SLC39A11: variants seen among roughly 807,000 people sequenced by gnomAD.
SLC39A11 encodes zinc transporter ZIP11.
In SLC39A11, 33 loss-of-function variants were observed where a neutral mutation model predicts 36.1. That is an observed-to-expected ratio of 0.91 (90% CI 0.69 to 1.22). The LOEUF (loss-of-function observed/expected upper bound fraction) is 1.22, where lower values mean the gene tolerates loss of function less well. Among genes scored for constraint, SLC39A11 ranks in the 50% most tolerant of loss-of-function variants. The pLI is 0.00. For synonymous variants in SLC39A11, 166 were observed against 170.3 expected, an observed-to-expected ratio of 0.97 and a Z score of 0.20; for missense variants, 432 against 430.3, an observed-to-expected ratio of 1.00 and a Z score of -0.03.
intron 3 of SLC39A11, among the ~76,000 whole-genome samples, chr17:73,078,093 C>A (rs887916813): frequency 8.6e-5 from 13 of 151,884 alleles, no homozygotes; most frequent in Non-Finnish European, 1.8e-4. Flanking sequence ...AAAAAATTAG[C>A]CGGGTGTGGT....
At chr17:72,747,100 G>A (rs2074970332) in intron 6 of SLC39A11, among the ~76,000 whole-genome samples, 1 of 152,174 alleles carries the variant, frequency 6.6e-6, no homozygotes. Flanking sequence ...TATTGCTGGA[G>A]TGGACAATGG....
rs1201669532 is a variant in SLC39A11 at position 72,959,335 on chromosome 17, A to G, written c.307-11460T>C. Reference sequence around the variant, plus strand: ...TATGTGTGTGTGTGTGTATATATATATATATATATATATATATATATATAT... The same window carrying G: ...TATGTGTGTGTGTGTGTATATATATGTATATATATATATATATATATATAT... On this transcript the variant is annotated intron_variant, in intron 4 of 9. Transcript: ENST00000255559. Among the ~76,000 whole-genome samples, 262 of 88,942 alleles carry G rather than the reference A, an allele frequency of 2.9e-3. 1 individual carries two copies. The highest frequency in any genetic ancestry group is 8.5e-3 in the African/African-American group (204 of 23,934). The allele number at this position is 88,942 out of a possible 152,430, so 58.3% of individuals were successfully genotyped here.
chr17:72,776,797 T>C (rs1277135839), intron 6 of SLC39A11, among the ~76,000 whole-genome samples: 2 of 151,944 alleles, frequency 1.3e-5, no homozygotes, highest in Non-Finnish European at 2.9e-5. Flanking sequence ...GGTAGAAAAA[T>C]AGTGGTTTGG....
chr17:72,802,879 T>A (rs2077138504), intron 6 of SLC39A11, among the ~76,000 whole-genome samples: 1 of 152,086 alleles, frequency 6.6e-6, no homozygotes, highest in South Asian at 2.1e-4. Flanking sequence ...CTATGGAAAG[T>A]CCCCATCGCA....
Position 72,849,649 on chromosome 17 carries a change from T to C in SLC39A11, c.586A>G (p.Ile196Val), listed in dbSNP as rs765429147. Reference sequence around the variant, plus strand: ...AAGACCTCACCTGGAACGTTGTGTATAGTGATGGCCAAGATGAGCAGTGCG... The same window carrying C: ...AAGACCTCACCTGGAACGTTGTGTACAGTGATGGCCAAGATGAGCAGTGCG... ...RIALLILAIT[I>V]HNVPEGLAVG... The change falls in exon 6 of 10, where the codon ATA becomes GTA. Residue 196 changes from isoleucine to valine, a missense_variant. Physicochemically the swap from Ile to Val is conservative, Grantham distance 29. Coordinates refer to ENST00000255559, the MANE Select transcript of SLC39A11 (RefSeq NM_139177.4). 4 of 1,573,368 alleles carry C rather than the reference T, an allele frequency of 2.5e-6. No homozygotes were observed. The highest frequency in any genetic ancestry group is 2.7e-5 in the African/African-American group (2 of 73,098).
intron 5 of SLC39A11, among the ~76,000 whole-genome samples, chr17:72,885,378 C>T (rs2081393861): frequency 6.6e-6 from 1 of 152,160 alleles, no homozygotes; most frequent in African/African-American, 2.4e-5. Flanking sequence ...TTTTACAACT[C>T]TCTAATCCTG....
chr17:72,665,239 T>G (rs1252124857), intron 7 of SLC39A11, among the ~76,000 whole-genome samples: 1 of 152,058 alleles, frequency 6.6e-6, no homozygotes, highest in Non-Finnish European at 1.5e-5. Flanking sequence ...AGTCAAGACT[T>G]CAGGTGACTG....
Position 72,908,892 on chromosome 17 carries a change from C to G in SLC39A11, c.430+38860G>C, listed in dbSNP as rs527778648. Among the ~76,000 whole-genome samples, 41 of 152,286 alleles carry G rather than the reference C, an allele frequency of 2.7e-4. No homozygotes were observed. The South Asian group carries it at 7.7e-3, about 28-fold the overall frequency. On this transcript the variant is annotated intron_variant, in intron 5 of 9. Transcript: ENST00000255559. ...GAAGGTTCCAGATCTTATACTATGA[C>G]CAGGGATGTTTCCACTCCCTCTCCA...
chr17:72,820,344 C>T (rs2077726916), intron 6 of SLC39A11, among the ~76,000 whole-genome samples: 1 of 151,194 alleles, frequency 6.6e-6, no homozygotes. Context: ...GATGTCCCAT[C>T]CTCATGAATA....
At chr17:72,850,154 A>G (rs73358710) in intron 5 of SLC39A11, among the ~76,000 whole-genome samples, 1,887 of 152,326 alleles carry the variant, frequency 0.012, 35 homozygotes, top group African/African-American at 0.039. Context: ...TTCAGCGAAC[A>G]ATTCATTGAC....
chr17:73,038,845 G>A (rs918135175), intron 3 of SLC39A11, among the ~76,000 whole-genome samples: 3 of 151,530 alleles, frequency 2.0e-5, no homozygotes, highest in African/African-American at 4.8e-5. Flanking sequence ...CTACCCAACC[G>A]TTAGGGACCC....
chr17:72,656,019 C>A (rs1469267874), intron 7 of SLC39A11, among the ~76,000 whole-genome samples: 2 of 152,122 alleles, frequency 1.3e-5, no homozygotes, highest in African/African-American at 4.8e-5. Context: ...TCCTGCAAGG[C>A]CTTCAGTCTA....
At chr17:72,928,882 C>G (rs1007220546) in intron 5 of SLC39A11, among the ~76,000 whole-genome samples, 1 of 152,250 alleles carries the variant, frequency 6.6e-6, no homozygotes, top group Non-Finnish European at 1.5e-5. Flanking sequence ...CAGACATGCC[C>G]TGAGCACCTG....
At chr17:72,836,713 T>C (rs1358255536) in intron 6 of SLC39A11, among the ~76,000 whole-genome samples, 2 of 152,160 alleles carry the variant, frequency 1.3e-5, no homozygotes, top group African/African-American at 2.4e-5. Flanking sequence ...ATCTAAATCA[T>C]GTATGTGGTG....
chr17:72,984,735 A>G (rs57880189), intron 4 of SLC39A11, among the ~76,000 whole-genome samples: 7,032 of 152,308 alleles, frequency 0.046, 571 homozygotes, highest in African/African-American at 0.16. Context: ...GTGAAGTCTC[A>G]CCGCATCTGG....
At chr17:72,947,326 A>T (rs1172044699) in intron 5 of SLC39A11, among the ~76,000 whole-genome samples, 1 of 152,070 alleles carries the variant, frequency 6.6e-6, no homozygotes, top group Non-Finnish European at 1.5e-5. Flanking sequence ...GGGGAAAAAA[A>T]AAATCCACAG....
intron 4 of SLC39A11, among the ~76,000 whole-genome samples, chr17:72,962,739 A>G (rs924809285): frequency 6.6e-5 from 10 of 151,984 alleles, no homozygotes; most frequent in African/African-American, 1.5e-4. Context: ...GTTTCATCAC[A>G]TTGGTGAGGC....
At chr17:73,091,376 G>A (rs941853789) in intron 1 of SLC39A11, among the ~76,000 whole-genome samples, 8 of 151,998 alleles carry the variant, frequency 5.3e-5, no homozygotes, top group African/African-American at 1.5e-4. Flanking sequence ...CCCGGGAGGC[G>A]GAGGTTGCAG....
chr17:72,915,753 T>G (rs550275243), intron 5 of SLC39A11, among the ~76,000 whole-genome samples: 136 of 152,352 alleles, frequency 8.9e-4, no homozygotes, highest in Non-Finnish European at 1.4e-3. Context: ...CCACGCCTCG[T>G]CAGCCTGGAG....
Sources: gnomAD v4.1 joint callset for allele counts (sites outside exome capture counted in the v4.1 genomes callset) on GRCh38, gnomAD v4.1.1 for gene constraint, MANE v1.5 for transcripts, NCBI Gene and HGNC (gene_info 2026-07-23, HGNC 2026-07-21) for gene names.